The following ZSWIM5 variants were observed in gnomAD, a reference collection of about 807,000 sequenced individuals.
ZSWIM5 encodes zinc finger SWIM-type containing 5, also known as zinc finger SWIM domain-containing protein 5.
A neutral mutation model predicts 119.6 loss-of-function variants in ZSWIM5; 55 were observed. That is an observed-to-expected ratio of 0.46 (90% CI 0.37 to 0.58). ZSWIM5 has a LOEUF of 0.58. Among genes scored for constraint, ZSWIM5 ranks in the 20% least tolerant of loss-of-function variants. The pLI is 0.00. For missense variants in ZSWIM5, 1,193 were observed against 1,512.8 expected (o/e 0.79, Z 3.51); for synonymous variants, 537 against 606.9 (o/e 0.88, Z 1.69).
At chr1:45,122,974 C>A (rs1144866) in intron 1 of ZSWIM5, among the ~76,000 whole-genome samples, 22,608 of 152,064 alleles carry the variant, frequency 0.15, 2,142 homozygotes, top group African/African-American at 0.26. Context: ...AACGAGGCCA[C>A]CACCCTTCCA....
At chr1:45,182,723 A>C (rs889630857) in intron 1 of ZSWIM5, among the ~76,000 whole-genome samples, 1 of 152,014 alleles carries the variant, frequency 6.6e-6, no homozygotes, top group African/African-American at 2.4e-5. Flanking sequence ...TATGCACCCA[A>C]TACAGGAGCA....
intron 1 of ZSWIM5, among the ~76,000 whole-genome samples, chr1:45,159,361 T>C (rs1645849446): frequency 6.6e-6 from 1 of 152,178 alleles, no homozygotes; most frequent in Non-Finnish European, 1.5e-5. Flanking sequence ...TGTCACTTCT[T>C]TCATTTGTAA....
At chr1:45,112,792 G>A (rs545279861) in intron 1 of ZSWIM5, among the ~76,000 whole-genome samples, 45 of 152,332 alleles carry the variant, frequency 3.0e-4, no homozygotes, top group Non-Finnish European at 8.8e-5. Context: ...TCTATCCAAT[G>A]TGGATCTCAT....
At chr1:45,020,555 G>T in intron 12 of ZSWIM5, 70 bp downstream of exon 12, 2 of 1,548,616 alleles carry the variant, frequency 1.3e-6, no homozygotes, top group Non-Finnish European at 1.8e-6. Flanking sequence ...GTCTCCCAGA[G>T]ATCTTATCTT....
Position 45,206,368 on chromosome 1 carries a change from C to G in ZSWIM5, c.-18G>C. Reference sequence around the variant, plus strand: ...TCCGCCATTGCTGGGGACTGACTGACTGACTGAGGCGGCGGCGGCTGCTCG... The same window carrying G: ...TCCGCCATTGCTGGGGACTGACTGAGTGACTGAGGCGGCGGCGGCTGCTCG... On this transcript the variant is annotated 5_prime_UTR_variant, in exon 1 of 14. Coordinates refer to ENST00000359600, the MANE Select transcript of ZSWIM5 (RefSeq NM_020883.2). The G allele has an allele frequency of 1.5e-6, 2 of 1,372,326 alleles. No individual in the cohort carries two copies. The highest frequency in any genetic ancestry group is 1.9e-6 in the Non-Finnish European group (2 of 1,064,632). 85.0% of individuals were successfully genotyped at this position (1,372,326 alleles called of 1,614,324 possible).
Position 45,063,540 on chromosome 1 carries a change from A to C in ZSWIM5, c.953-3293T>G, listed in dbSNP as rs1645165161. On this transcript the variant is annotated intron_variant, in intron 2 of 13. Transcript: ENST00000359600. Reference sequence around the variant, plus strand: ...TTTCATCTTGTCTTCCCCTACACTTATGATATGCTTCAGCCAGAAAGACTG... The same window carrying C: ...TTTCATCTTGTCTTCCCCTACACTTCTGATATGCTTCAGCCAGAAAGACTG... Among the ~76,000 whole-genome samples, 4 of 152,240 alleles carry C rather than the reference A, an allele frequency of 2.6e-5. No homozygotes were observed. The South Asian group carries it at 8.3e-4, about 32-fold the overall frequency.
chr1:45,060,631 C>A (rs1047589773), intron 2 of ZSWIM5, among the ~76,000 whole-genome samples: 10 of 152,212 alleles, frequency 6.6e-5, no homozygotes, highest in African/African-American at 2.2e-4. Flanking sequence ...TTACTAGGCA[C>A]ACATTATTTT....
intron 2 of ZSWIM5, among the ~76,000 whole-genome samples, chr1:45,082,854 G>T (rs1003714924): frequency 2.3e-4 from 35 of 152,184 alleles, no homozygotes; most frequent in African/African-American, 8.4e-4. Context: ...GGGTTGTTTT[G>T]GTGACAGTTG....
At chr1:45,167,965 C>T (rs865817346) in intron 1 of ZSWIM5, among the ~76,000 whole-genome samples, 1 of 152,098 alleles carries the variant, frequency 6.6e-6, no homozygotes, top group African/African-American at 2.4e-5. Context: ...CCAGCCATCC[C>T]ATTACTGGGT....
chr1:45,128,080 C>A (rs1645631879), intron 1 of ZSWIM5, among the ~76,000 whole-genome samples: 1 of 152,036 alleles, frequency 6.6e-6, no homozygotes, highest in Non-Finnish European at 1.5e-5. Context: ...AATGTAATTC[C>A]CATCAAAATT....
At chr1:45,170,656 T>C (rs1466502393) in intron 1 of ZSWIM5, among the ~76,000 whole-genome samples, 3 of 152,032 alleles carry the variant, frequency 2.0e-5, no homozygotes, top group Non-Finnish European at 4.4e-5. Context: ...TTTGAACTCC[T>C]TGCCTCAAGC....
intron 1 of ZSWIM5, among the ~76,000 whole-genome samples, chr1:45,177,360 A>AT (rs1294785188): frequency 6.6e-6 from 1 of 152,042 alleles, no homozygotes; most frequent in East Asian, 1.9e-4. Flanking sequence ...CCTTTTCCAC[A>AT]TTGGAACTGA....
At chr1:45,109,134 T>A (rs988677669) in intron 1 of ZSWIM5, among the ~76,000 whole-genome samples, 1 of 152,218 alleles carries the variant, frequency 6.6e-6, no homozygotes, top group African/African-American at 2.4e-5. Flanking sequence ...GTTAGGACAA[T>A]GCTTATCATT....
chr1:45,206,123 C>G lies in ZSWIM5; in HGVS notation c.228G>C (p.Lys76Asn), dbSNP rs1325337958. The G allele has an allele frequency of 6.8e-6, 11 of 1,611,434 alleles. No homozygotes were observed. In the South Asian group the frequency reaches 9.9e-5, roughly 15 times the overall value. ...GCTCCTCCACCCGTTCGTATGCCCACTTTTCCGCCACCGTCTTGGCGGCGC... is the reference window on the plus strand; with the variant it reads ...GCTCCTCCACCCGTTCGTATGCCCAGTTTTCCGCCACCGTCTTGGCGGCGC... ...LDCAAKTVAE[K>N]WAYERVEERF... Residue 76 changes from lysine to asparagine, a missense_variant, in exon 1 of 14, where the codon AAG (lysine) becomes AAC (asparagine). By Grantham distance (94) the Lys-to-Asn change is moderately conservative. Transcript: ENST00000359600.
intron 1 of ZSWIM5, among the ~76,000 whole-genome samples, chr1:45,171,614 T>C (rs1645946656): frequency 6.6e-6 from 1 of 152,016 alleles, no homozygotes; most frequent in Non-Finnish European, 1.5e-5. Context: ...CTATTATAAT[T>C]CCATAACCTC....
chr1:45,067,135 G>A (rs1459037556), intron 2 of ZSWIM5, among the ~76,000 whole-genome samples: 1 of 152,002 alleles, frequency 6.6e-6, no homozygotes, highest in African/African-American at 2.4e-5. Flanking sequence ...AAAGATATGG[G>A]CTGAAGAAAT....
At chr1:45,137,215 C>G (rs144655873) in intron 1 of ZSWIM5, among the ~76,000 whole-genome samples, 173 of 152,198 alleles carry the variant, frequency 1.1e-3, no homozygotes, top group Non-Finnish European at 2.1e-3. Context: ...AAGCACACAC[C>G]ACCATGCCCA....
At position 45,019,789 on chromosome 1, in the gene ZSWIM5, G is replaced by C. The variant is rs548044626; in HGVS notation, c.2695+277C>G. ...CCCACTACCTCCCAAGGGAGCACTTGAGTAGCAACTGAAAATTCATTCTCT... is the reference window on the plus strand; with the variant it reads ...CCCACTACCTCCCAAGGGAGCACTTCAGTAGCAACTGAAAATTCATTCTCT... On this transcript the variant is annotated intron_variant, in intron 13 of 13. Transcript: ENST00000359600. This position sits in a 1 kb window ranked among gnomAD's most constrained non-coding sequence, Gnocchi z 5.0. Among the ~76,000 whole-genome samples the C allele has an allele frequency of 6.6e-6, 1 of 152,156 alleles. No individual in the cohort carries two copies. The highest frequency in any genetic ancestry group is 1.5e-5 in the Non-Finnish European group (1 of 68,026).
At chr1:45,045,156 T>C (rs576426344) in intron 5 of ZSWIM5, among the ~76,000 whole-genome samples, 7 of 151,852 alleles carry the variant, frequency 4.6e-5, no homozygotes, top group African/African-American at 7.3e-5. Context: ...GGGTGGTATG[T>C]AGGAGGACCA....
Sources: allele counts gnomAD v4.1 joint callset (sites outside exome capture counted in the v4.1 genomes callset), GRCh38; gene constraint gnomAD v4.1.1; non-coding constraint Gnocchi (gnomAD v3.1); transcripts MANE v1.5; gene names NCBI Gene and HGNC (gene_info 2026-07-23, HGNC 2026-07-21).